Variants in FNDC3A observed in about 807,000 individuals in gnomAD.
FNDC3A encodes fibronectin type III domain containing 3A, also known as fibronectin type-III domain-containing protein 3A.
In FNDC3A, 32 loss-of-function variants were observed where a neutral mutation model predicts 148.9. The ratio of observed to expected loss-of-function variants is 0.21; its 90% CI spans 0.16 to 0.29. The LOEUF (loss-of-function observed/expected upper bound fraction) is 0.29. FNDC3A is among the 10% of genes least tolerant of loss of function. The pLI, the probability that FNDC3A is intolerant of heterozygous loss-of-function variation, is 1.00. For synonymous variants in FNDC3A, 472 were observed against 473.6 expected (o/e 1.00, Z 0.04); for missense variants, 1,191 against 1,452.8 (o/e 0.82, Z 2.93).
At chr13:49,136,694 A>C in intron 6 of FNDC3A, 93 bp downstream of exon 6, 1 of 1,267,574 alleles carries the variant, frequency 7.9e-7, no homozygotes, top group Non-Finnish European at 1.1e-6. Flanking sequence ...TCATTTTGTC[A>C]TGGTCCAAAT....
At chr13:49,182,553 T>C (rs576230040) in intron 14 of FNDC3A, among the ~76,000 whole-genome samples, 2 of 152,084 alleles carry the variant, frequency 1.3e-5, no homozygotes, top group African/African-American at 4.8e-5. Flanking sequence ...TTTTCTTTTT[T>C]TTTTTCCAGT....
At chr13:49,123,168 G>A (rs949801373) in intron 4 of FNDC3A, among the ~76,000 whole-genome samples, 1 of 152,110 alleles carries the variant, frequency 6.6e-6, no homozygotes, top group Non-Finnish European at 1.5e-5. Flanking sequence ...CAGTGGAACA[G>A]AACAGAGGCC....
intron 2 of FNDC3A, among the ~76,000 whole-genome samples, chr13:49,070,557 T>G (rs926028807): frequency 6.6e-5 from 10 of 152,352 alleles, no homozygotes; most frequent in Non-Finnish European, 1.3e-4. Flanking sequence ...CTCAAACATT[T>G]ATCTTTGTTT....
At chr13:49,175,938 G>A (rs1885007673) in intron 13 of FNDC3A, among the ~76,000 whole-genome samples, 1 of 152,156 alleles carries the variant, frequency 6.6e-6, no homozygotes, top group African/African-American at 2.4e-5. Flanking sequence ...GGCCTTTTCT[G>A]CATCTATCGA....
chr13:49,114,809 TAAAA>T (rs912917226), intron 4 of FNDC3A, 78 bp downstream of exon 4: 1 of 1,023,398 alleles, frequency 9.8e-7, no homozygotes, highest in African/African-American at 1.6e-5. Flanking sequence ...GATTTTGATT[TAAAA>T]AAACCATTTA....
intron 4 of FNDC3A, among the ~76,000 whole-genome samples, chr13:49,122,879 C>T (rs1049765428): frequency 3.9e-5 from 6 of 152,174 alleles, no homozygotes; most frequent in African/African-American, 1.4e-4. Flanking sequence ...ACATTCCATG[C>T]TCGTGGATAG....
intron 2 of FNDC3A, among the ~76,000 whole-genome samples, chr13:49,041,753 A>G (rs775350499): frequency 2.0e-4 from 31 of 151,246 alleles, no homozygotes; most frequent in Admixed American, 4.6e-4. Context: ...GGAGGTTGCA[A>G]TGAGCCAAGA....
chr13:49,181,651 G>C (rs190798781), intron 14 of FNDC3A, among the ~76,000 whole-genome samples: 11 of 152,160 alleles, frequency 7.2e-5, no homozygotes, highest in Non-Finnish European at 1.5e-4. Flanking sequence ...TTGTGTCTTG[G>C]TCTTCCTTTT....
At chr13:49,181,106 A>T (rs1482806926) in intron 14 of FNDC3A, among the ~76,000 whole-genome samples, 1 of 152,184 alleles carries the variant, frequency 6.6e-6, no homozygotes, top group East Asian at 1.9e-4. Flanking sequence ...AATTAATTAA[A>T]GTGTGTTTCA....
chr13:49,164,939 T>G (rs1050595615), intron 8 of FNDC3A, among the ~76,000 whole-genome samples: 39 of 152,218 alleles, frequency 2.6e-4, no homozygotes, highest in African/African-American at 9.4e-4. Flanking sequence ...CATCAGCTGT[T>G]TTTAGTCCTT....
chr13:49,111,141 A>G (rs568020859), intron 3 of FNDC3A, among the ~76,000 whole-genome samples: 1 of 152,338 alleles, frequency 6.6e-6, no homozygotes, highest in African/African-American at 2.4e-5. Context: ...CTCATTGCAT[A>G]CAAATTTAAG....
At chr13:49,107,839 A>G (rs1481181646) in intron 3 of FNDC3A, among the ~76,000 whole-genome samples, 3 of 152,208 alleles carry the variant, frequency 2.0e-5, no homozygotes, top group Non-Finnish European at 4.4e-5. Context: ...GGCTGAAGAT[A>G]CTAAATTTAT....
intron 4 of FNDC3A, among the ~76,000 whole-genome samples, chr13:49,129,611 G>T (rs991236209): frequency 6.6e-6 from 1 of 152,172 alleles, no homozygotes; most frequent in African/African-American, 2.4e-5. Context: ...ATATTGTTTA[G>T]TTCCCATCAA....
chr13:49,161,134 G>A (rs141645243), intron 8 of FNDC3A, among the ~76,000 whole-genome samples: 1 of 152,168 alleles, frequency 6.6e-6, no homozygotes. Context: ...TGTCTATTAG[G>A]TCCAGTTGGT....
chr13:49,188,559 C>T lies in FNDC3A; in HGVS notation c.1870C>T (p.Leu624Phe). 1.2e-6 allele frequency: 2 copies of T among 1,614,004 alleles called. No individual in the cohort carries two copies. Among genetic ancestry groups the T allele is most frequent in the Non-Finnish European group, 1.7e-6 (2 of 1,179,878 alleles). ...ATACAGTGGTGCTACCAGGGAACAT[C>T]TTTGTGATCGACTGAATCCAGGCTG... is the stretch of plus-strand genomic sequence containing the variant. ...MIYSGATREH[L>F]CDRLNPGCFY... is the part of the protein sequence containing the mutation. Residue 624 changes from leucine to phenylalanine, a missense_variant, in exon 17 of 26, where the codon CTT becomes TTT. This residue lies in a region of FNDC3A where 751 missense variants were observed against 944.0 expected (regional missense o/e 0.80). Coordinates refer to ENST00000492622, the MANE Select transcript of FNDC3A (RefSeq NM_001079673.2).
intron 1 of FNDC3A, among the ~76,000 whole-genome samples, chr13:49,002,304 T>C (rs1168265187): frequency 6.6e-6 from 1 of 152,242 alleles, no homozygotes; most frequent in African/African-American, 2.4e-5. Flanking sequence ...GTTTTTCATA[T>C]ATAGCCTTTA....
chr13:49,002,014 T>C (rs192459515), intron 1 of FNDC3A, among the ~76,000 whole-genome samples: 1 of 152,186 alleles, frequency 6.6e-6, no homozygotes. Context: ...CCTGCGGACA[T>C]GTCTCCCCCA....
chr13:49,011,391 A>C (rs1593466444), intron 2 of FNDC3A, among the ~76,000 whole-genome samples: 1 of 151,978 alleles, frequency 6.6e-6, no homozygotes, highest in Non-Finnish European at 1.5e-5. Flanking sequence ...GCACCACCAC[A>C]CCAGGCTAAT....
chr13:49,187,357 A>G lies in FNDC3A; in HGVS notation c.1825+167A>G, dbSNP rs914031483. On this transcript the variant is annotated intron_variant, in intron 16 of 25. Coordinates refer to ENST00000492622, the MANE Select transcript of FNDC3A (RefSeq NM_001079673.2). ...GGTTGTCCTGGATTTTTTTTTTTTA[A>G]TGTCATAAGTTTATTGACAAACATA... 6 of 817,660 alleles carry G rather than the reference A, an allele frequency of 7.3e-6. No homozygotes were observed. The African/African-American group carries it at 9.0e-5, about 12-fold the overall frequency. The allele number at this position is 817,660 out of a possible 1,614,324, so 50.7% of individuals were successfully genotyped here.
Sources: gnomAD v4.1 joint callset for allele counts (sites outside exome capture counted in the v4.1 genomes callset) on GRCh38, gnomAD v4.1.1 for gene constraint, gnomAD v4.1.1 regional missense constraint, MANE v1.5 for transcripts, NCBI Gene and HGNC (gene_info 2026-07-23, HGNC 2026-07-21) for gene names.